DOT1L: variants seen among roughly 807,000 people sequenced by gnomAD.
DOT1L encodes the protein DOT1 like histone lysine methyltransferase.
DOT1L carries 33 observed loss-of-function variants against 153.3 expected under a neutral mutation model. That is an observed-to-expected ratio of 0.22 (90% CI 0.16 to 0.29). The LOEUF is 0.29. DOT1L is among the 10% of genes least tolerant of loss of function. The pLI, the probability that DOT1L is intolerant of heterozygous loss-of-function variation, is 1.00. For missense variants in DOT1L, 1,847 were observed against 2,119.9 expected (o/e 0.87, Z 2.53); for synonymous variants, 1,135 against 965.1 (o/e 1.18, Z -3.26).
rs1382576308 is a variant in DOT1L at position 2,217,486 on chromosome 19, C to T, written c.2545-286C>T. Among the ~76,000 whole-genome samples, 1 of 152,086 alleles carries T rather than the reference C, an allele frequency of 6.6e-6. No individual in the cohort carries two copies. Among genetic ancestry groups the T allele is most frequent in the Non-Finnish European group, 1.5e-5 (1 of 67,982 alleles). On this transcript the variant is annotated intron_variant, in intron 21 of 27. Transcript: ENST00000398665. The surrounding 1 kb of genome is among the most constrained non-coding windows in gnomAD (Gnocchi z 7.3). Reference sequence around the variant, plus strand: ...TGGACTTGGCAGTGATGGATGTGGGCCCTGGGAGGCTTGGTGGCCCCACGG... The same window carrying T: ...TGGACTTGGCAGTGATGGATGTGGGTCCTGGGAGGCTTGGTGGCCCCACGG...
rs201342688 is a variant in DOT1L at position 2,211,059 on chromosome 19, C to T, written c.1352-40C>T. The T allele has an allele frequency of 2.0e-4, 318 of 1,587,170 alleles. 5 individuals are homozygous for T. Among genetic ancestry groups the T allele is most frequent in the South Asian group, 1.9e-3 (166 of 89,692 alleles). On this transcript the variant is annotated intron_variant, in intron 14 of 27. Transcript: ENST00000398665. ...CTGACGCCTCTGCCCACCGCTCTCC[C>T]GACCCGCCCTGTGCTGACGCCTGCC... is the stretch of plus-strand genomic sequence containing the variant.
rs2022748306 is a variant in DOT1L at position 2,190,606 on chromosome 19, A to T, written c.265-406A>T. On this transcript the variant is annotated intron_variant, in intron 4 of 27. Coordinates refer to ENST00000398665, the MANE Select transcript of DOT1L (RefSeq NM_032482.3). This position sits in a 1 kb window ranked among gnomAD's most constrained non-coding sequence, Gnocchi z 4.8. Reference sequence around the variant, plus strand: ...GCGGGGTCCCACGTAGTCGAGTCAGATGAGGTGTGGTAGGCTCAGGGCTTT... The same window carrying T: ...GCGGGGTCCCACGTAGTCGAGTCAGTTGAGGTGTGGTAGGCTCAGGGCTTT... Among the ~76,000 whole-genome samples, 1 of 152,028 alleles carries T rather than the reference A, an allele frequency of 6.6e-6. No homozygotes were observed. Among genetic ancestry groups the T allele is most frequent in the South Asian group, 2.1e-4 (1 of 4,832 alleles).
At position 2,217,005 on chromosome 19, in the gene DOT1L, C is replaced by T. The variant is rs1330427961; in HGVS notation, c.2459C>T (p.Pro820Leu). The part of the protein sequence containing the change: ...NGLPYQSPSV[P>L]GSMKLSPQDP... ...CTTCCCTACCAGAGCCCCAGCGTGC[C>T]TGGCAGCATGAAGCTGAGCCCTCAG... The change falls in exon 21 of 28, where the codon CCT becomes CTT. Residue 820 changes from proline (P) to leucine (L), a missense_variant. Pro to Leu is a moderately conservative substitution (Grantham distance 98). Coordinates refer to ENST00000398665, the MANE Select transcript of DOT1L (RefSeq NM_032482.3). This position sits in a 1 kb window ranked among gnomAD's most constrained non-coding sequence, Gnocchi z 7.3. 3.7e-6 allele frequency: 6 copies of T among 1,613,210 alleles called. No individual in the cohort carries two copies. In the Admixed American group the frequency reaches 8.3e-5, roughly 22 times the overall value.
In DOT1L at chr19:2,227,696, C is replaced by T. The variant is rs1341415004; in HGVS notation, c.4606+569C>T. Reference sequence around the variant, plus strand: ...CTGCTGCTCTGCGCTTGCCTGGATGCTGCCGCTTGTTGAAGCTGCGTTTTT... The same window carrying T: ...CTGCTGCTCTGCGCTTGCCTGGATGTTGCCGCTTGTTGAAGCTGCGTTTTT... On this transcript the variant is annotated intron_variant, in intron 27 of 27. Transcript: ENST00000398665. 3.9e-6 allele frequency: 5 copies of T among 1,296,496 alleles called. No homozygotes were observed. In the African/African-American group the frequency reaches 7.7e-5, roughly 20 times the overall value. 80.3% of individuals were successfully genotyped at this position (1,296,496 alleles called of 1,614,324 possible).
chr19:2,176,018 G>A (rs539630812), intron 1 of DOT1L, among the ~76,000 whole-genome samples: 7 of 152,034 alleles, frequency 4.6e-5, no homozygotes, highest in Non-Finnish European at 7.4e-5. Flanking sequence ...TCTGTGTCCC[G>A]GCTCTGCCTG....
At chr19:2,187,324 C>T (rs947139388) in intron 3 of DOT1L, among the ~76,000 whole-genome samples, 3 of 152,248 alleles carry the variant, frequency 2.0e-5, no homozygotes, top group African/African-American at 4.8e-5. Flanking sequence ...CTCTGAGCAG[C>T]GAGCGTGTCA....
chr19:2,213,451 G>GA, intron 16 of DOT1L, 88 bp from the exon 17 acceptor site: 1 of 1,352,772 alleles, frequency 7.4e-7, no homozygotes, highest in Non-Finnish European at 1.0e-6. Flanking sequence ...GTGTCTTCAG[G>GA]AAGCATGAGA....
intron 24 of DOT1L, 62 bp from the exon 25 acceptor site, chr19:2,223,219 C>A: frequency 6.4e-7 from 1 of 1,573,930 alleles, no homozygotes; most frequent in Middle Eastern, 1.7e-4. Context: ...GGCGGGGGGG[C>A]TCTCCTGCCT....
rs751611679 is a variant in DOT1L, at chr19:2,226,456, C to T, written c.3935C>T (p.Pro1312Leu). 2.5e-6 allele frequency: 4 copies of T among 1,601,672 alleles called. No individual in the cohort carries two copies. The Admixed American group carries it at 5.0e-5, about 20-fold the overall frequency. The change falls in exon 27 of 28, where the codon CCT becomes CTT. Residue 1312 changes from proline (P) to leucine (L), a missense_variant. Pro to Leu is a moderately conservative substitution (Grantham distance 98). This residue lies in a region of DOT1L where 934 missense variants were observed against 825.3 expected (regional missense o/e 1.13). Coordinates refer to ENST00000398665, the MANE Select transcript of DOT1L (RefSeq NM_032482.3). ...GADGLSPGTN[P>L]ANGCTFGGGL... Reference sequence around the variant, plus strand: ...GACGGACTCAGCCCGGGCACCAACCCTGCCAACGGCTGCACCTTCGGCGGG... The same window carrying T: ...GACGGACTCAGCCCGGGCACCAACCTTGCCAACGGCTGCACCTTCGGCGGG...
At chr19:2,228,895 C>T (rs897331633) in intron 27 of DOT1L, 38 of 985,290 alleles carry the variant, frequency 3.9e-5, no homozygotes, top group African/African-American at 8.7e-5. Context: ...CCAGTAGCCT[C>T]GGATGCCCTC....
At chr19:2,203,454 CA>C (rs2023373601) in intron 9 of DOT1L, among the ~76,000 whole-genome samples, 1 of 152,202 alleles carries the variant, frequency 6.6e-6, no homozygotes, top group Admixed American at 6.5e-5. Flanking sequence ...GCTGACCACC[CA>C]GGGGCAAGAG....
At chr19:2,176,590 C>T (rs1210301600) in intron 1 of DOT1L, among the ~76,000 whole-genome samples, 1 of 152,242 alleles carries the variant, frequency 6.6e-6, no homozygotes, top group Admixed American at 6.5e-5. Flanking sequence ...CAGGAACATT[C>T]TCTGTTCCAG....
chr19:2,228,352 C>T (rs770073367), intron 27 of DOT1L: 4 of 1,317,536 alleles, frequency 3.0e-6, no homozygotes, highest in East Asian at 4.7e-5. Context: ...CGATAAAGAC[C>T]TTGCTTAGCT....
intron 1 of DOT1L, among the ~76,000 whole-genome samples, chr19:2,175,331 C>T (rs372975000): frequency 6.6e-6 from 1 of 151,972 alleles, no homozygotes; most frequent in East Asian, 1.9e-4. Flanking sequence ...GAGTTGAGGT[C>T]TTGCTATGTT....
At chr19:2,187,669 T>C (rs553667952) in intron 3 of DOT1L, among the ~76,000 whole-genome samples, 13 of 152,242 alleles carry the variant, frequency 8.5e-5, no homozygotes, top group African/African-American at 3.1e-4. Flanking sequence ...ACACCTGTAA[T>C]CCCAGCACTT....
chr19:2,168,801 C>T (rs1489138492), intron 1 of DOT1L, among the ~76,000 whole-genome samples: 1 of 151,934 alleles, frequency 6.6e-6, no homozygotes. Flanking sequence ...TTTTTAGTAG[C>T]GACAGGTTTT....
intron 1 of DOT1L, among the ~76,000 whole-genome samples, chr19:2,177,940 T>G (rs2022029595): frequency 7.0e-6 from 1 of 143,528 alleles, no homozygotes; most frequent in South Asian, 2.2e-4. Flanking sequence ...TTTTTTTTTT[T>G]GAGATGGATT....
chr19:2,171,740 G>T (rs1156575540), intron 1 of DOT1L, among the ~76,000 whole-genome samples: 1 of 152,218 alleles, frequency 6.6e-6, no homozygotes, highest in African/African-American at 2.4e-5. Flanking sequence ...CAGGCTTGCT[G>T]CGTGCAGTCC....
In DOT1L at chr19:2,222,680, C is replaced by A; in HGVS notation, c.3390+121C>A. 1.0e-6 allele frequency: 1 copy of A among 968,742 alleles called. No homozygotes were observed. Among genetic ancestry groups the A allele is most frequent in the Non-Finnish European group, 1.5e-6 (1 of 674,612 alleles). The allele number at this position is 968,742 out of a possible 1,614,324, so 60.0% of individuals were successfully genotyped here. A position where few individuals can be genotyped will look rare whatever the true frequency, so the allele number is the denominator to read the frequency against. On this transcript the variant is annotated intron_variant, in intron 24 of 27. Coordinates refer to ENST00000398665, the MANE Select transcript of DOT1L (RefSeq NM_032482.3). The surrounding 1 kb of genome is among the most constrained non-coding windows in gnomAD (Gnocchi z 6.5). ...TTTTGGGAGGCCGAGGCGGGTGGAT[C>A]ACAAGATCAGGACATCAAGACCATC...
Sources: allele counts gnomAD v4.1 joint callset (sites outside exome capture counted in the v4.1 genomes callset), GRCh38; gene constraint gnomAD v4.1.1; regional missense constraint gnomAD v4.1.1; non-coding constraint Gnocchi (gnomAD v3.1); transcripts MANE v1.5; gene names NCBI Gene and HGNC (gene_info 2026-07-23, HGNC 2026-07-21).